USH1G: variants seen among roughly 807,000 people sequenced by gnomAD.
USH1G encodes pre-mRNA splicing regulator USH1G.
USH1G carries 27 observed loss-of-function variants against 31.9 expected under a neutral mutation model. That is an observed-to-expected ratio of 0.85 (90% CI 0.62 to 1.17). The LOEUF (loss-of-function observed/expected upper bound fraction) is 1.17, where lower values mean the gene tolerates loss of function less well. Ranked by LOEUF, USH1G falls within the 50% of genes most tolerant of loss-of-function variation. The probability of loss-of-function intolerance (pLI) is 0.00; values close to 1 mark genes in which losing one functional copy is unlikely to be tolerated. For missense variants in USH1G, 674 were observed against 638.9 expected, an observed-to-expected ratio of 1.05 and a Z score of -0.59; for synonymous variants, 266 against 283.2, an observed-to-expected ratio of 0.94 and a Z score of 0.61.
chr17:74,917,099 G>C lies in USH1G; in HGVS notation c.*974C>G, dbSNP rs2038878042. The C allele has an allele frequency of 6.6e-6, 1 of 152,368 alleles. No homozygotes were observed. The highest frequency in any genetic ancestry group is 1.5e-5 in the Non-Finnish European group (1 of 68,176). 9.4% of individuals were successfully genotyped at this position (152,368 alleles called of 1,614,324 possible). On this transcript the variant is annotated 3_prime_UTR_variant, in exon 3 of 3. Coordinates refer to ENST00000614341, the MANE Select transcript of USH1G (RefSeq NM_173477.5). The stretch of plus-strand genomic sequence containing the variant: ...GCACACAAACATGCACACGCACACA[G>C]CCCTGGTGACCTGGGGACAATCTGC...
Position 74,920,712 on chromosome 17 carries a change from G to C in USH1G, c.165-41C>G, listed in dbSNP as rs1400173730. 1 of 1,611,606 alleles carries C rather than the reference G, an allele frequency of 6.2e-7. No homozygotes were observed. The highest frequency in any genetic ancestry group is 8.5e-7 in the Non-Finnish European group (1 of 1,178,972). ...TCAGGAGGGACGAGTGACGAGTCCT[G>C]GCTGGGGATGGAGGTGGAGGGAGTG... On this transcript the variant is annotated intron_variant, in intron 1 of 2. Transcript: ENST00000614341. This position sits in a 1 kb window ranked among gnomAD's most constrained non-coding sequence, Gnocchi z 5.2.
At position 74,920,460 on chromosome 17, in the gene USH1G, T is replaced by A. The variant is rs1214028437; in HGVS notation, c.376A>T (p.Ser126Cys). Residue 126 changes from serine to cysteine, a missense_variant, in exon 2 of 3, where the codon AGC (serine) becomes TGC (cysteine). By Grantham distance (112) the Ser-to-Cys change is moderately radical (BLOSUM62 -1). Transcript: ENST00000614341. The surrounding 1 kb of genome is among the most constrained non-coding windows in gnomAD (Gnocchi z 5.2). ...YLDSIAAKQSSLNPKLVGKLK... is the reference protein window; with the variant it reads ...YLDSIAAKQSCLNPKLVGKLK... Reference sequence around the variant, plus strand: ...TTACCCACCAGCTTGGGGTTGAGGCTGCTCTGCTTGGCCGCGATGGAGTCC... The same window carrying A: ...TTACCCACCAGCTTGGGGTTGAGGCAGCTCTGCTTGGCCGCGATGGAGTCC... The A allele has an allele frequency of 1.2e-6, 2 of 1,613,634 alleles. No individual in the cohort carries two copies. The highest frequency in any genetic ancestry group is 3.3e-5 in the Admixed American group (2 of 60,000).
Position 74,920,410 on chromosome 17 carries a change from C to T in USH1G, c.426G>A (p.Glu142=). 1 of 1,613,464 alleles carries T rather than the reference C, an allele frequency of 6.2e-7. No individual in the cohort carries two copies. The highest frequency in any genetic ancestry group is 8.5e-7 in the Non-Finnish European group (1 of 1,180,038). ...VGKLKDKAFR[E]AERRIRECAK... is the part of the protein sequence containing the mutation. ...CGCACTCGCGGATGCGCCGCTCCGC[C>T]TCGCGGAAGGCCTTGTCCTTCAGCT... Residue 142 remains glutamate (E), a synonymous_variant, in exon 2 of 3, where the codon GAG becomes GAA. Transcript: ENST00000614341. This position sits in a 1 kb window ranked among gnomAD's most constrained non-coding sequence, Gnocchi z 5.2.
chr17:74,920,098 G>GC lies in USH1G; in HGVS notation c.737dup (p.Leu247ProfsTer109). The GC allele has an allele frequency of 6.2e-7, 1 of 1,604,046 alleles. No homozygotes were observed. Among genetic ancestry groups the GC allele is most frequent in the Non-Finnish European group, 8.5e-7 (1 of 1,179,362 alleles). Reference sequence around the variant, plus strand: ...ACATCACGTCGCTGCCCAGCTGCAGGCCCGAGAGCGAGCGGGCGCTCTTGC... The same window carrying GC: ...ACATCACGTCGCTGCCCAGCTGCAGGCCCCGAGAGCGAGCGGGCGCTCTTGC... On this transcript the variant is annotated frameshift_variant, in exon 2 of 3. Coordinates refer to ENST00000614341, the MANE Select transcript of USH1G (RefSeq NM_173477.5). LOFTEE classifies it high-confidence loss of function. The surrounding 1 kb of genome is among the most constrained non-coding windows in gnomAD (Gnocchi z 5.2).
Position 74,919,323 on chromosome 17 carries a change from A to C in USH1G, c.1382+131T>G. 2.2e-6 allele frequency: 3 copies of C among 1,367,216 alleles called. No individual in the cohort carries two copies. Among genetic ancestry groups the C allele is most frequent in the African/African-American group, 1.5e-5 (1 of 68,354 alleles). The allele number at this position is 1,367,216 out of a possible 1,614,324, so 84.7% of individuals were successfully genotyped here. The stretch of plus-strand genomic sequence containing the variant: ...AAAATAAGGGTGCCTTTTATCATCG[A>C]TGGCCTCATTTCGATTTTATGAAAT... On this transcript the variant is annotated intron_variant, in intron 2 of 2. Coordinates refer to ENST00000614341, the MANE Select transcript of USH1G (RefSeq NM_173477.5). This position sits in a 1 kb window ranked among gnomAD's most constrained non-coding sequence, Gnocchi z 4.5.
Position 74,917,647 on chromosome 17 carries a change from A to G in USH1G, c.*426T>C. On this transcript the variant is annotated 3_prime_UTR_variant, in exon 3 of 3. Coordinates refer to ENST00000614341, the MANE Select transcript of USH1G (RefSeq NM_173477.5). ...TTCACAACAATGCAGGAAGTGAGCA[A>G]GTCTCTGGCCTGAGCACAAGAGAAC... 4.4e-6 allele frequency: 1 copy of G among 228,808 alleles called. No individual in the cohort carries two copies. The allele number at this position is 228,808 out of a possible 1,614,324, so 14.2% of individuals were successfully genotyped here.
intron 1 of USH1G, among the ~76,000 whole-genome samples, chr17:74,922,235 G>GCC (rs2038951347): frequency 3.4e-5 from 5 of 148,144 alleles, no homozygotes; most frequent in African/African-American, 1.2e-4. Flanking sequence ...TGCACTGTAT[G>GCC]CCCACCCCCC....
Position 74,921,350 on chromosome 17 carries a change from C to T in USH1G, c.165-679G>A, listed in dbSNP as rs1435110342. Among the ~76,000 whole-genome samples, 1 of 152,060 alleles carries T rather than the reference C, an allele frequency of 6.6e-6. No homozygotes were observed. The stretch of plus-strand genomic sequence containing the variant: ...AGCTGCCCGTGCTCCGAAGCCCTCC[C>T]TTCCCTAGGTTGCCCCCTCTTTGGT... On this transcript the variant is annotated intron_variant, in intron 1 of 2. Coordinates refer to ENST00000614341, the MANE Select transcript of USH1G (RefSeq NM_173477.5). The surrounding 1 kb of genome is among the most constrained non-coding windows in gnomAD (Gnocchi z 4.6).
rs2038947112 is a variant in USH1G, at chr17:74,921,869, C to T, written c.164+1041G>A. 6.6e-6 allele frequency among the ~76,000 whole-genome samples: 1 copy of T among 152,172 alleles called. No individual in the cohort carries two copies. Among genetic ancestry groups the T allele is most frequent in the African/African-American group, 2.4e-5 (1 of 41,438 alleles). On this transcript the variant is annotated intron_variant, in intron 1 of 2. Coordinates refer to ENST00000614341, the MANE Select transcript of USH1G (RefSeq NM_173477.5). The surrounding 1 kb of genome is among the most constrained non-coding windows in gnomAD (Gnocchi z 4.6). The stretch of plus-strand genomic sequence containing the variant: ...ACGGGACATGGTTCAGCTGCCCAGG[C>T]TTCAAGGCTGCTCCCACCTGATGCT...
At position 74,920,182 on chromosome 17, in the gene USH1G, C is replaced by A. The variant is rs759630941; in HGVS notation, c.654G>T (p.Lys218Asn). 2 of 1,602,316 alleles carry A rather than the reference C, an allele frequency of 1.2e-6. No individual in the cohort carries two copies. The highest frequency in any genetic ancestry group is 2.2e-5 in the South Asian group (2 of 91,086). The change falls in exon 2 of 3, where the codon AAG becomes AAT. Residue 218 changes from lysine (K) to asparagine (N), a missense_variant. Lys to Asn is a moderately conservative substitution (Grantham distance 94, BLOSUM62 0). Transcript: ENST00000614341. The surrounding 1 kb of genome is among the most constrained non-coding windows in gnomAD (Gnocchi z 5.2). ...CGCCCTGCTTGCGCCGCTCCAGCTT[C>A]TTCTGCATCTTGGTCTTGCCCCTGG... ...GTARGKTKMQ[K>N]KLERRKQGGE...
At chr17:74,922,879 G>A (rs761731473) in intron 1 of USH1G, 31 bp downstream of exon 1, 49 of 1,536,466 alleles carry the variant, frequency 3.2e-5, no homozygotes, top group Non-Finnish European at 3.7e-5. Context: ...GGTCTCAGGG[G>A]CCTCAAGGGC....
In USH1G at chr17:74,920,172, G is replaced by C; in HGVS notation, c.664C>G (p.Arg222Gly). 1 of 1,602,110 alleles carries C rather than the reference G, an allele frequency of 6.2e-7. No individual in the cohort carries two copies. The highest frequency in any genetic ancestry group is 8.5e-7 in the Non-Finnish European group (1 of 1,179,826). Residue 222 changes from arginine (R) to glycine (G), a missense_variant, in exon 2 of 3, where the codon CGG (arginine) becomes GGG (glycine). By Grantham distance (125) the Arg-to-Gly change is moderately radical (BLOSUM62 -2). Transcript: ENST00000614341. The surrounding 1 kb of genome is among the most constrained non-coding windows in gnomAD (Gnocchi z 5.2). ...GTGCCTTCGCCGCCCTGCTTGCGCC[G>C]CTCCAGCTTCTTCTGCATCTTGGTC... ...GKTKMQKKLE[R>G]RKQGGEGTFK...
chr17:74,921,141 C>G lies in USH1G; in HGVS notation c.165-470G>C, dbSNP rs960510633. ...GAACAGACCAGTGGGTGGTGTGTGC[C>G]GGGCCCCAGCCCCGGGTGAGCGTGT... On this transcript the variant is annotated intron_variant, in intron 1 of 2. Transcript: ENST00000614341. The surrounding 1 kb of genome is among the most constrained non-coding windows in gnomAD (Gnocchi z 4.6). Among the ~76,000 whole-genome samples the G allele has an allele frequency of 1.3e-5, 2 of 152,100 alleles. No homozygotes were observed. Among genetic ancestry groups the G allele is most frequent in the African/African-American group, 4.8e-5 (2 of 41,424 alleles).
chr17:74,919,942 G>T lies in USH1G; in HGVS notation c.894C>A (p.Ser298Arg). ...LAAEPAHSEV[S>R]TDSGHDSLFT... ...ACAGGGAGTCGTGGCCTGAGTCGGT[G>T]CTGACCTCCGAGTGGGCAGGCTCGG... The change falls in exon 2 of 3, where the codon AGC (serine) becomes AGA (arginine). Residue 298 changes from serine (S) to arginine (R), a missense_variant. Ser to Arg is a moderately radical substitution (Grantham distance 110, BLOSUM62 -1). Coordinates refer to ENST00000614341, the MANE Select transcript of USH1G (RefSeq NM_173477.5). This position sits in a 1 kb window ranked among gnomAD's most constrained non-coding sequence, Gnocchi z 4.5. 1 of 1,612,340 alleles carries T rather than the reference G, an allele frequency of 6.2e-7. No homozygotes were observed. Among genetic ancestry groups the T allele is most frequent in the Non-Finnish European group, 8.5e-7 (1 of 1,179,402 alleles).
Position 74,919,746 on chromosome 17 carries a change from G to T in USH1G, c.1090C>A (p.Gln364Lys). 6.2e-7 allele frequency: 1 copy of T among 1,612,960 alleles called. No individual in the cohort carries two copies. Among genetic ancestry groups the T allele is most frequent in the Non-Finnish European group, 8.5e-7 (1 of 1,180,012 alleles). ...DDSLGSANSLQDRSCGEELPW... is the reference protein window; with the variant it reads ...DDSLGSANSLKDRSCGEELPW... The stretch of plus-strand genomic sequence containing the variant: ...AGCTCCTCCCCACAGCTGCGGTCCT[G>T]CAGGCTGTTGGCACTGCCCAGGCTG... Residue 364 changes from glutamine to lysine, a missense_variant, in exon 2 of 3, where the codon CAG becomes AAG. Physicochemically the swap from Gln to Lys is moderately conservative, Grantham distance 53. Transcript: ENST00000614341. This position sits in a 1 kb window ranked among gnomAD's most constrained non-coding sequence, Gnocchi z 4.5.
Position 74,920,716 on chromosome 17 carries a change from G to A in USH1G, c.165-45C>T. 6.2e-7 allele frequency: 1 copy of A among 1,610,956 alleles called. No individual in the cohort carries two copies. Among genetic ancestry groups the A allele is most frequent in the South Asian group, 1.1e-5 (1 of 90,894 alleles). On this transcript the variant is annotated intron_variant, in intron 1 of 2. Transcript: ENST00000614341. This position sits in a 1 kb window ranked among gnomAD's most constrained non-coding sequence, Gnocchi z 5.2. ...GAGGGACGAGTGACGAGTCCTGGCT[G>A]GGGATGGAGGTGGAGGGAGTGGAGG...
Position 74,916,743 on chromosome 17 carries a change from CT to C in USH1G, c.*1329del, listed in dbSNP as rs1245629155. ...ACCACCCTCTGAGCTGGCCTTTCCC[CT>C]GGTCTCACCACCATCAGAGGGCTGG... On this transcript the variant is annotated 3_prime_UTR_variant, in exon 3 of 3. Transcript: ENST00000614341. 1 of 152,302 alleles carries C rather than the reference CT, an allele frequency of 6.6e-6. No individual in the cohort carries two copies. The highest frequency in any genetic ancestry group is 1.9e-4 in the East Asian group (1 of 5,198). 9.4% of individuals were successfully genotyped at this position (152,302 alleles called of 1,614,324 possible). A position where few individuals can be genotyped will look rare whatever the true frequency, so the allele number is the denominator to read the frequency against.
At position 74,919,840 on chromosome 17, in the gene USH1G, C is replaced by G. The variant is rs754029450; in HGVS notation, c.996G>C (p.Glu332Asp). ...CTCCCACCCCATCCAGACCCCCATCCTCGCGGCCCAGTCCGTGCAGCCCAC... is the reference window on the plus strand; with the variant it reads ...CTCCCACCCCATCCAGACCCCCATCGTCGCGGCCCAGTCCGTGCAGCCCAC... Reference protein sequence around the residue: ...LSSGLHGLGREDGGLDGVGAP... With the variant: ...LSSGLHGLGRDDGGLDGVGAP... Residue 332 changes from glutamate to aspartate, a missense_variant, in exon 2 of 3, where the codon GAG (glutamate) becomes GAC (aspartate). Coordinates refer to ENST00000614341, the MANE Select transcript of USH1G (RefSeq NM_173477.5). This position sits in a 1 kb window ranked among gnomAD's most constrained non-coding sequence, Gnocchi z 4.5. 6.2e-7 allele frequency: 1 copy of G among 1,613,110 alleles called. No homozygotes were observed.
At position 74,920,372 on chromosome 17, in the gene USH1G, C is replaced by T. The variant is rs1302527895; in HGVS notation, c.464G>A (p.Arg155Gln). 4 of 1,612,704 alleles carry T rather than the reference C, an allele frequency of 2.5e-6. No homozygotes were observed. Among genetic ancestry groups the T allele is most frequent in the East Asian group, 4.5e-5 (2 of 44,862 alleles). Residue 155 changes from arginine to glutamine, a missense_variant, in exon 2 of 3, where the codon CGG becomes CAG. Coordinates refer to ENST00000614341, the MANE Select transcript of USH1G (RefSeq NM_173477.5). The surrounding 1 kb of genome is among the most constrained non-coding windows in gnomAD (Gnocchi z 5.2). ...RRIRECAKLQ[R>Q]RHHERMERRY... ...CCGCTCCATGCGTTCGTGGTGCCTC[C>T]GCTGCAGCTTGGCGCACTCGCGGAT...
Sources: gnomAD v4.1 joint callset for allele counts (sites outside exome capture counted in the v4.1 genomes callset) on GRCh38, gnomAD v4.1.1 for gene constraint, Gnocchi (gnomAD v3.1) non-coding constraint, MANE v1.5 for transcripts, NCBI Gene and HGNC (gene_info 2026-07-23, HGNC 2026-07-21) for gene names.